ADCY9: variants seen among roughly 807,000 people sequenced by gnomAD.
ADCY9 encodes adenylate cyclase 9.
ADCY9 carries 50 observed loss-of-function variants against 101.5 expected under a neutral mutation model. The ratio of observed to expected loss-of-function variants is 0.49; its 90% confidence interval spans 0.39 to 0.62. The LOEUF (loss-of-function observed/expected upper bound fraction) is 0.62, where lower values mean the gene tolerates loss of function less well. Among genes scored for constraint, ADCY9 ranks in the 20% least tolerant of loss-of-function variants. The pLI is 0.00. For synonymous variants in ADCY9, 905 were observed against 769.3 expected, an observed-to-expected ratio of 1.18 and a Z score of -2.92; for missense variants, 1,662 against 1,800.4, an observed-to-expected ratio of 0.92 and a Z score of 1.39.
chr16:4,074,336 G>C (rs2601813), intron 2 of ADCY9, among the ~76,000 whole-genome samples: 97,903 of 151,488 alleles, frequency 0.65, 33,777 homozygotes, highest in East Asian at 0.9. Context: ...TTCGGGCAAT[G>C]ACTTAAAATA....
intron 2 of ADCY9, among the ~76,000 whole-genome samples, chr16:4,048,876 G>C (rs754292989): frequency 7.9e-5 from 12 of 152,082 alleles, no homozygotes; most frequent in Non-Finnish European, 1.8e-4. Flanking sequence ...CACTCCCCAG[G>C]AGAAGAGCCA....
intron 2 of ADCY9, among the ~76,000 whole-genome samples, chr16:4,060,204 C>A (rs2056766408): frequency 6.6e-6 from 1 of 152,188 alleles, no homozygotes; most frequent in East Asian, 1.9e-4. Context: ...GTTGTGGCAA[C>A]CAACAGATCA....
chr16:4,103,723 T>C (rs915565752), intron 2 of ADCY9, among the ~76,000 whole-genome samples: 5 of 151,938 alleles, frequency 3.3e-5, no homozygotes, highest in African/African-American at 1.2e-4. Context: ...CCCAGCTACT[T>C]GGGAGGCTGA....
Position 4,001,751 on chromosome 16 carries a change from T to A in ADCY9, c.1884+5617A>T, listed in dbSNP as rs763056658. Among the ~76,000 whole-genome samples the A allele has an allele frequency of 1.1e-4, 11 of 96,058 alleles. 1 individual carries two copies. In the South Asian group the frequency reaches 2.2e-3, roughly 19 times the overall value. 63.0% of individuals were successfully genotyped at this position (96,058 alleles called of 152,430 possible). On this transcript the variant is annotated intron_variant, in intron 3 of 10. Transcript: ENST00000294016. ...TTTTGTAGAGATGGTTTTTTTTTTT[T>A]ATTGTTTTTTTTTTTTGAGATGGAA...
At chr16:3,975,990 A>AT (rs2056089576) in intron 9 of ADCY9, among the ~76,000 whole-genome samples, 1 of 152,068 alleles carries the variant, frequency 6.6e-6, no homozygotes, top group Admixed American at 6.6e-5. Flanking sequence ...TTTGAGACTT[A>AT]TTTTTTATTT....
chr16:3,969,913 C>T (rs958465845), intron 10 of ADCY9, among the ~76,000 whole-genome samples: 1 of 151,848 alleles, frequency 6.6e-6, no homozygotes, highest in African/African-American at 2.4e-5. Context: ...AAAAATACTA[C>T]ATACTCATCA....
chr16:3,957,652 C>G (rs1385503414), intron 5 of ADCY9, among the ~76,000 whole-genome samples: 1 of 151,944 alleles, frequency 6.6e-6, no homozygotes, highest in East Asian at 1.9e-4. Context: ...TTCCCACAGG[C>G]CAGTTCTGGA....
Position 3,965,672 on chromosome 16 carries a change from G to T in ADCY9, c.*103C>A. The stretch of plus-strand genomic sequence containing the variant: ...GGCTGAAATGACCACATAACACCAC[G>T]TCCGGGGAGGGCAACTGTGGCGCTT... On this transcript the variant is annotated 3_prime_UTR_variant, in exon 11 of 11. Coordinates refer to ENST00000294016, the MANE Select transcript of ADCY9 (RefSeq NM_001116.4). 1.9e-6 allele frequency: 2 copies of T among 1,054,328 alleles called. No individual in the cohort carries two copies. Among genetic ancestry groups the T allele is most frequent in the Non-Finnish European group, 2.8e-6 (2 of 724,004 alleles). 65.3% of individuals were successfully genotyped at this position (1,054,328 alleles called of 1,614,324 possible).
intron 2 of ADCY9, among the ~76,000 whole-genome samples, chr16:4,015,075 G>T (rs538168622): frequency 6.6e-6 from 1 of 151,478 alleles, no homozygotes; most frequent in African/African-American, 2.4e-5. Context: ...GAGCAGCTGG[G>T]ACTACAGGCA....
chr16:4,058,057 G>A (rs551857578), intron 2 of ADCY9, among the ~76,000 whole-genome samples: 2 of 151,882 alleles, frequency 1.3e-5, no homozygotes, highest in African/African-American at 4.8e-5. Context: ...TACTTGGGAG[G>A]TCGAGGCAGA....
At chr16:4,087,730 G>A (rs1210153463) in intron 2 of ADCY9, among the ~76,000 whole-genome samples, 3 of 150,458 alleles carry the variant, frequency 2.0e-5, no homozygotes, top group Admixed American at 1.3e-4. Flanking sequence ...CTATTTGCTC[G>A]GATACTACAG....
At chr16:4,069,510 G>A (rs1450154950) in intron 2 of ADCY9, among the ~76,000 whole-genome samples, 2 of 151,784 alleles carry the variant, frequency 1.3e-5, no homozygotes, top group African/African-American at 2.4e-5. Context: ...GAAGAACAAC[G>A]AATAAATAGA....
intron 2 of ADCY9, among the ~76,000 whole-genome samples, chr16:4,013,630 G>T (rs761527815): frequency 7.2e-5 from 11 of 152,184 alleles, no homozygotes; most frequent in Non-Finnish European, 1.2e-4. Context: ...TTCCAAAAAC[G>T]TCTTTCACTT....
rs7198704 is a variant in ADCY9, at chr16:4,044,953, C to G, written c.1694-37395G>C. On this transcript the variant is annotated intron_variant, in intron 2 of 10. Transcript: ENST00000294016. ...CCCGCACGTGACTGCCAACTCTTTA[C>G]GAGATGAGGCTGTGCTGGCTCGGTA... Among the ~76,000 whole-genome samples the G allele has an allele frequency of 4.7e-3, 709 of 152,246 alleles. 2 individuals are homozygous for G. The highest frequency in any genetic ancestry group is 0.015 in the African/African-American group (625 of 41,558).
In ADCY9 at chr16:4,047,560, G is replaced by A. The variant is rs557837538; in HGVS notation, c.1694-40002C>T. On this transcript the variant is annotated intron_variant, in intron 2 of 10. Transcript: ENST00000294016. Reference sequence around the variant, plus strand: ...CAATGGGCTTCTGTGTGAGCTGTTAGACGCACACTGGTATTCGTTCAAGAT... The same window carrying A: ...CAATGGGCTTCTGTGTGAGCTGTTAAACGCACACTGGTATTCGTTCAAGAT... Among the ~76,000 whole-genome samples the A allele has an allele frequency of 8.7e-4, 132 of 152,102 alleles. 1 individual carries two copies. Among genetic ancestry groups the A allele is most frequent in the African/African-American group, 2.9e-3 (122 of 41,380 alleles).
intron 2 of ADCY9, among the ~76,000 whole-genome samples, chr16:4,061,290 T>A (rs8052906): frequency 0.77 from 116,171 of 151,842 alleles, 44,803 homozygotes; most frequent in African/African-American, 0.8. Context: ...GCAGAAAAAA[T>A]TTTTTGAAAA....
At position 3,976,074 on chromosome 16, in the gene ADCY9, C is replaced by G. The variant is rs141889333; in HGVS notation, c.2829-1364G>C. On this transcript the variant is annotated intron_variant, in intron 9 of 10. Coordinates refer to ENST00000294016, the MANE Select transcript of ADCY9 (RefSeq NM_001116.4). ...TGGCGCGATCTCGGTTCACTGCAAC[C>G]TCCGCCTCCCAGGGTCAACCAATTC... 7.8e-3 allele frequency among the ~76,000 whole-genome samples: 1,188 copies of G among 152,252 alleles called. 11 individuals carry two copies. The highest frequency in any genetic ancestry group is 0.025 in the East Asian group (132 of 5,186).
intron 2 of ADCY9, among the ~76,000 whole-genome samples, chr16:4,024,748 G>T (rs1435978607): frequency 6.6e-6 from 1 of 152,150 alleles, no homozygotes; most frequent in African/African-American, 2.4e-5. Context: ...AGGGAACAAG[G>T]ACACTTCCTG....
At chr16:4,063,887 A>G (rs2056786368) in intron 2 of ADCY9, among the ~76,000 whole-genome samples, 1 of 152,226 alleles carries the variant, frequency 6.6e-6, no homozygotes. Flanking sequence ...TTGTTCAGAA[A>G]CAAAACAAGG....
Sources: gnomAD v4.1 joint callset for allele counts (sites outside exome capture counted in the v4.1 genomes callset) on GRCh38, gnomAD v4.1.1 for gene constraint, MANE v1.5 for transcripts, NCBI Gene and HGNC (gene_info 2026-07-23, HGNC 2026-07-21) for gene names.